The following DGKB variants were observed in gnomAD, a reference collection of about 807,000 sequenced individuals.
DGKB encodes the protein diacylglycerol kinase beta, also known as 90 kDa diacylglycerol kinase.
DGKB carries 67 observed loss-of-function variants against 114.3 expected under a neutral mutation model. The ratio of observed to expected loss-of-function variants is 0.59; its 90% confidence interval spans 0.48 to 0.72. The LOEUF (loss-of-function observed/expected upper bound fraction) is 0.72, where lower values mean the gene tolerates loss of function less well. Ranked by LOEUF, DGKB falls within the 30% of genes least tolerant of loss-of-function variation. DGKB has a pLI of 0.00. For synonymous variants in DGKB, 398 were observed against 323.1 expected (o/e 1.23, Z -2.49); for missense variants, 907 against 975.2 (o/e 0.93, Z 0.93).
At chr7:14,692,223 G>A (rs1248360984) in intron 9 of DGKB, among the ~76,000 whole-genome samples, 4 of 151,642 alleles carry the variant, frequency 2.6e-5, no homozygotes, top group African/African-American at 4.8e-5. Context: ...TTTAAAATAC[G>A]GGCAACTGAC....
intron 13 of DGKB, among the ~76,000 whole-genome samples, chr7:14,660,725 A>G (rs1265398280): frequency 1.3e-5 from 2 of 151,970 alleles, no homozygotes; most frequent in Non-Finnish European, 1.5e-5. Flanking sequence ...TATGGAACCA[A>G]AAAAGAGCCC....
intron 17 of DGKB, among the ~76,000 whole-genome samples, chr7:14,599,949 G>GA (rs1284254339): frequency 6.6e-6 from 1 of 151,852 alleles, no homozygotes. Context: ...AACTCCTATA[G>GA]AAAAAAAATC....
Position 14,477,497 on chromosome 7 carries a change from G to A in DGKB, c.1835+664C>T, listed in dbSNP as rs1344815081. Among the ~76,000 whole-genome samples the A allele has an allele frequency of 2.0e-5, 3 of 152,156 alleles. No individual in the cohort carries two copies. The South Asian group carries it at 6.2e-4, about 32-fold the overall frequency. ...TCACTTCTTCTGCCCCACTTTTCTAGGGGAGTGAGGTGGAGAGAGCCATAT... is the reference window on the plus strand; with the variant it reads ...TCACTTCTTCTGCCCCACTTTTCTAAGGGAGTGAGGTGGAGAGAGCCATAT... On this transcript the variant is annotated intron_variant, in intron 21 of 25. Transcript: ENST00000402815.
At chr7:14,359,315 A>T (rs1815232426) in intron 21 of DGKB, among the ~76,000 whole-genome samples, 1 of 152,166 alleles carries the variant, frequency 6.6e-6, no homozygotes, top group Admixed American at 6.5e-5. Flanking sequence ...ACAAAAATTA[A>T]TTCAAGATGG....
intron 22 of DGKB, among the ~76,000 whole-genome samples, chr7:14,341,483 G>C (rs1471700780): frequency 2.6e-5 from 4 of 151,742 alleles, no homozygotes; most frequent in African/African-American, 9.7e-5. Context: ...AGCTACAGAG[G>C]AAAAGAATAT....
chr7:14,791,494 C>A (rs1302251252), intron 2 of DGKB, among the ~76,000 whole-genome samples: 1 of 151,216 alleles, frequency 6.6e-6, no homozygotes, highest in Non-Finnish European at 1.5e-5. Flanking sequence ...TCTCTTCTTC[C>A]CAATGTTTGC....
chr7:14,766,074 C>A (rs1456860903), intron 2 of DGKB, among the ~76,000 whole-genome samples: 1 of 151,876 alleles, frequency 6.6e-6, no homozygotes, highest in East Asian at 1.9e-4. Flanking sequence ...ATAAATAGGT[C>A]TTTAAAGACA....
intron 21 of DGKB, among the ~76,000 whole-genome samples, chr7:14,411,354 A>G (rs1426143468): frequency 6.6e-6 from 1 of 152,202 alleles, no homozygotes; most frequent in Non-Finnish European, 1.5e-5. Context: ...ACCCATTGTA[A>G]GTCAAGGAGC....
At chr7:14,418,380 T>C (rs1248597063) in intron 21 of DGKB, among the ~76,000 whole-genome samples, 1 of 81,154 alleles carries the variant, frequency 1.2e-5, no homozygotes, top group African/African-American at 3.8e-5. Context: ...TGTATATATA[T>C]ATATATATAT....
At chr7:14,836,955 C>G (rs1427151431) in intron 2 of DGKB, among the ~76,000 whole-genome samples, 2 of 152,188 alleles carry the variant, frequency 1.3e-5, no homozygotes, top group Non-Finnish European at 2.9e-5. Flanking sequence ...TATGTTCAAA[C>G]AGCCAGAAGA....
chr7:14,706,229 A>G (rs548853228), intron 6 of DGKB, among the ~76,000 whole-genome samples: 3,612 of 145,826 alleles, frequency 0.025, 52 homozygotes, highest in South Asian at 0.041. Flanking sequence ...AGGCCATTAC[A>G]TAATGGTAAA....
chr7:14,172,555 A>G (rs1433576832), intron 25 of DGKB, among the ~76,000 whole-genome samples: 2 of 152,180 alleles, frequency 1.3e-5, no homozygotes, highest in Non-Finnish European at 2.9e-5. Context: ...AGCTTAGGAA[A>G]CACCAGGTGT....
chr7:14,943,156 C>G (rs1587427773), intron 1 of DGKB, among the ~76,000 whole-genome samples: 1 of 151,708 alleles, frequency 6.6e-6, no homozygotes, highest in East Asian at 1.9e-4. Flanking sequence ...GCTTGCATTC[C>G]TTCACTTGAG....
chr7:14,851,200 T>C (rs370153604), intron 1 of DGKB, among the ~76,000 whole-genome samples: 2 of 152,160 alleles, frequency 1.3e-5, no homozygotes, highest in East Asian at 1.9e-4. Flanking sequence ...AAATTCATAA[T>C]TGTGTTATTT....
intron 13 of DGKB, 99 bp downstream of exon 13, chr7:14,672,830 T>A: frequency 1.5e-6 from 1 of 649,424 alleles, no homozygotes; most frequent in South Asian, 2.4e-5. Flanking sequence ...ACTTCTACCT[T>A]GATTGATGAA....
intron 17 of DGKB, among the ~76,000 whole-genome samples, chr7:14,591,018 C>T (rs1014779087): frequency 6.6e-6 from 1 of 152,054 alleles, no homozygotes; most frequent in Non-Finnish European, 1.5e-5. Context: ...GACCTGCCTA[C>T]AGCACTGGAG....
intron 1 of DGKB, among the ~76,000 whole-genome samples, chr7:14,930,274 A>G (rs1266787049): frequency 6.6e-6 from 1 of 152,078 alleles, no homozygotes; most frequent in African/African-American, 2.4e-5. Flanking sequence ...TTGCATTTTG[A>G]TAGGGATTGC....
intron 9 of DGKB, among the ~76,000 whole-genome samples, chr7:14,693,698 G>A (rs1823308883): frequency 6.6e-6 from 1 of 151,756 alleles, no homozygotes; most frequent in South Asian, 2.1e-4. Flanking sequence ...ACCTTTATAG[G>A]TAGGAGGAAC....
intron 21 of DGKB, among the ~76,000 whole-genome samples, chr7:14,458,919 T>A (rs1832688328): frequency 6.6e-6 from 1 of 152,198 alleles, no homozygotes; most frequent in South Asian, 2.1e-4. Context: ...GGGGATCCCA[T>A]CCCCACAGAG....
Sources: allele counts gnomAD v4.1 joint callset (sites outside exome capture counted in the v4.1 genomes callset), GRCh38; gene constraint gnomAD v4.1.1; transcripts MANE v1.5; gene names NCBI Gene and HGNC (gene_info 2026-07-23, HGNC 2026-07-21).